Variants in ELFN2 observed in about 807,000 individuals in gnomAD.
ELFN2 encodes the protein protein phosphatase 1 regulatory subunit 29.
Under a neutral mutation model 45.5 loss-of-function variants are expected in ELFN2, and 17 were observed. The observed-to-expected ratio is 0.37, with a 90% CI of 0.26 to 0.56. ELFN2 has a LOEUF of 0.56. ELFN2 is among the 20% of genes least tolerant of loss of function. ELFN2 has a pLI of 0.77. For synonymous variants in ELFN2, 550 were observed against 551.5 expected (o/e 1.00, Z 0.04); for missense variants, 922 against 1,183.2 (o/e 0.78, Z 3.24).
chr22:37,383,299 C>T (rs1931840454), intron 2 of ELFN2, among the ~76,000 whole-genome samples: 1 of 152,222 alleles, frequency 6.6e-6, no homozygotes, highest in African/African-American at 2.4e-5. Context: ...TAGATGTCAA[C>T]CAAACCTCTA....
chr22:37,398,755 G>A (rs963711892), intron 2 of ELFN2, among the ~76,000 whole-genome samples: 18 of 121,404 alleles, frequency 1.5e-4, no homozygotes, highest in Non-Finnish European at 2.4e-4. Context: ...GCACACACAC[G>A]CATCTACACA....
chr22:37,357,070 T>TC (rs1930969619), intron 1 of ELFN2, among the ~76,000 whole-genome samples: 2 of 152,180 alleles, frequency 1.3e-5, no homozygotes, highest in Non-Finnish European at 1.5e-5. Flanking sequence ...CGCAGACCCC[T>TC]CCTCTTGTTA....
At chr22:37,416,411 C>G (rs985061693) in intron 2 of ELFN2, among the ~76,000 whole-genome samples, 2 of 152,132 alleles carry the variant, frequency 1.3e-5, no homozygotes, top group African/African-American at 2.4e-5. Context: ...CAATGCTGGT[C>G]CCCCAGAGAA....
intron 2 of ELFN2, among the ~76,000 whole-genome samples, chr22:37,404,453 T>C (rs2145674838): frequency 6.6e-6 from 1 of 151,324 alleles, no homozygotes; most frequent in African/African-American, 2.4e-5. Context: ...GGTGGCTGAG[T>C]GAGCGTAGTG....
At chr22:37,425,104 G>A (rs1047467100) in intron 1 of ELFN2, among the ~76,000 whole-genome samples, 5 of 152,162 alleles carry the variant, frequency 3.3e-5, no homozygotes, top group Admixed American at 6.5e-5. Flanking sequence ...ATGGCCTCAC[G>A]CTCCCTGGCT....
rs1044411108 is a variant in ELFN2 at position 37,372,884 on chromosome 22, C to A, written c.*188G>T. On this transcript the variant is annotated 3_prime_UTR_variant, in exon 3 of 3. Coordinates refer to ENST00000402918, the MANE Select transcript of ELFN2 (RefSeq NM_052906.5). The surrounding 1 kb of genome is among the most constrained non-coding windows in gnomAD (Gnocchi z 4.4). ...TCTCTGTTTTCCTGTCCGTTATTGT[C>A]GGATGTTGGTTTGTTCACAGTCGGG... The A allele has an allele frequency of 4.9e-6, 3 of 607,108 alleles. No homozygotes were observed. Among genetic ancestry groups the A allele is most frequent in the Non-Finnish European group, 8.4e-6 (3 of 355,078 alleles). 37.6% of individuals were successfully genotyped at this position (607,108 alleles called of 1,614,324 possible). A position where few individuals can be genotyped will look rare whatever the true frequency, so the allele number is the denominator to read the frequency against.
chr22:37,366,386 A>T (rs1281591794), downstream of ELFN2, among the ~76,000 whole-genome samples: 2 of 152,226 alleles, frequency 1.3e-5, no homozygotes, highest in Admixed American at 1.3e-4. Context: ...CCCAGGGGCC[A>T]CAGGGCTCCC....
At chr22:37,412,111 G>A (rs1047900113) in intron 2 of ELFN2, among the ~76,000 whole-genome samples, 19 of 152,058 alleles carry the variant, frequency 1.2e-4, no homozygotes, top group African/African-American at 3.1e-4. Context: ...TTGGGAGGCC[G>A]AGGCAGGTGT....
At chr22:37,387,246 C>G (rs966126094) in intron 2 of ELFN2, among the ~76,000 whole-genome samples, 5 of 152,164 alleles carry the variant, frequency 3.3e-5, no homozygotes, top group Non-Finnish European at 7.4e-5. Flanking sequence ...TCAGCCTGTT[C>G]CCCGGCCTCG....
intron 2 of ELFN2, among the ~76,000 whole-genome samples, chr22:37,386,009 C>A (rs982279789): frequency 6.6e-6 from 1 of 152,280 alleles, no homozygotes. Context: ...CTCCATGCGG[C>A]CCCACTGGGG....
intron 2 of ELFN2, among the ~76,000 whole-genome samples, chr22:37,403,597 C>T (rs6000717): frequency 0.2 from 31,006 of 152,110 alleles, 5,029 homozygotes; most frequent in African/African-American, 0.45. Context: ...GCTGCGGCCT[C>T]GGGGTCTAGC....
rs146022404 is a variant in ELFN2 at position 37,378,628 on chromosome 22, C to T, written c.-462-2632G>A. On this transcript the variant is annotated intron_variant, in intron 2 of 2. Coordinates refer to ENST00000402918, the MANE Select transcript of ELFN2 (RefSeq NM_052906.5). ...GAACCTCAAGGTGACCTGCCTGTGG[C>T]CCTCTCTCCTCTTCCTCCTGGTCTC... Among the ~76,000 whole-genome samples, 219 of 152,364 alleles carry T rather than the reference C, an allele frequency of 1.4e-3. 2 individuals carry two copies. In the East Asian group the frequency reaches 0.032, roughly 22 times the overall value.
chr22:37,350,868 C>T (rs1450914343), intron 1 of ELFN2, among the ~76,000 whole-genome samples: 1 of 150,272 alleles, frequency 6.7e-6, no homozygotes, highest in African/African-American at 2.4e-5. Flanking sequence ...CGGAGGGGCC[C>T]TCCCCTCTCA....
At chr22:37,356,478 C>A (rs1335849591) in intron 1 of ELFN2, among the ~76,000 whole-genome samples, 2 of 152,100 alleles carry the variant, frequency 1.3e-5, no homozygotes, top group Non-Finnish European at 2.9e-5. Context: ...AGAGGGGGCA[C>A]CTTGGGGGGA....
intron 2 of ELFN2, among the ~76,000 whole-genome samples, chr22:37,407,843 C>T (rs925418024): frequency 6.6e-6 from 1 of 151,518 alleles, no homozygotes; most frequent in African/African-American, 2.4e-5. Context: ...TGCAGTAAGC[C>T]GAGATCGCGC....
chr22:37,387,692 C>G (rs923528040), intron 2 of ELFN2, among the ~76,000 whole-genome samples: 1 of 152,108 alleles, frequency 6.6e-6, no homozygotes, highest in African/African-American at 2.4e-5. Flanking sequence ...ACCTCCCAGG[C>G]CGCGGCCCCT....
At chr22:37,400,157 C>T (rs1370758310) in intron 2 of ELFN2, among the ~76,000 whole-genome samples, 1 of 152,196 alleles carries the variant, frequency 6.6e-6, no homozygotes. Flanking sequence ...GGGTTATTAT[C>T]CTCCCAGGTC....
At chr22:37,420,122 G>C (rs1932798118) in intron 1 of ELFN2, among the ~76,000 whole-genome samples, 1 of 152,114 alleles carries the variant, frequency 6.6e-6, no homozygotes, top group Non-Finnish European at 1.5e-5. Context: ...AGCCGCGGAC[G>C]GCGGAGGACG....
Position 37,374,287 on chromosome 22 carries a change from G to A in ELFN2, c.1248C>T (p.Tyr416=). Reference sequence around the variant, plus strand: ...GCATGCGCCGCTTGCGCAGGCAGTAGTACACGGCTCCCAGCACGATAACCA... The same window carrying A: ...GCATGCGCCGCTTGCGCAGGCAGTAATACACGGCTCCCAGCACGATAACCA... The part of the protein sequence containing the change: ...FGMVIVLGAV[Y]YCLRKRRMQE... Residue 416 remains tyrosine, a synonymous_variant, in exon 3 of 3, where the codon TAC becomes TAT. Coordinates refer to ENST00000402918, the MANE Select transcript of ELFN2 (RefSeq NM_052906.5). 6.2e-7 allele frequency: 1 copy of A among 1,613,868 alleles called. No individual in the cohort carries two copies. Among genetic ancestry groups the A allele is most frequent in the Non-Finnish European group, 8.5e-7 (1 of 1,179,928 alleles).
Sources: allele counts gnomAD v4.1 joint callset (sites outside exome capture counted in the v4.1 genomes callset), GRCh38; gene constraint gnomAD v4.1.1; non-coding constraint Gnocchi (gnomAD v3.1); transcripts MANE v1.5; gene names NCBI Gene and HGNC (gene_info 2026-07-23, HGNC 2026-07-21).